RGS5: variants seen among roughly 807,000 people sequenced by gnomAD.
RGS5 encodes regulator of G protein signaling 5, also known as regulator of G-protein signalling 5.
Under a neutral mutation model 18.9 loss-of-function variants are expected in RGS5, and 20 were observed. That is an observed-to-expected ratio of 1.06 (90% confidence interval 0.74 to 1.54). The LOEUF is 1.54. Among genes scored for constraint, RGS5 ranks in the 40% most tolerant of loss-of-function variants. The probability of loss-of-function intolerance (pLI) is 0.00; values close to 1 mark genes in which losing one functional copy is unlikely to be tolerated. For missense variants in RGS5, 201 were observed against 211.8 expected (o/e 0.95, Z 0.32); for synonymous variants, 57 against 76.2 (o/e 0.75, Z 1.31).
intron 3 of RGS5, among the ~76,000 whole-genome samples, chr1:163,154,232 A>G (rs896623365): frequency 6.6e-6 from 1 of 152,110 alleles, no homozygotes; most frequent in African/African-American, 2.4e-5. Context: ...CAATACGTTG[A>G]TTTCACACAA....
At chr1:163,281,880 A>C (rs1056314489) in intron 2 of RGS5, among the ~76,000 whole-genome samples, 3 of 152,172 alleles carry the variant, frequency 2.0e-5, no homozygotes, top group Non-Finnish European at 2.9e-5. Flanking sequence ...ATAAGAATGA[A>C]ACTAGACCCC....
upstream of RGS5, among the ~76,000 whole-genome samples, chr1:163,219,592 T>C (rs1266455858): frequency 6.6e-6 from 1 of 152,180 alleles, no homozygotes; most frequent in East Asian, 1.9e-4. Context: ...AGTGGAGTTG[T>C]CCAGAGGCTA....
chr1:163,172,562 A>ACAT (rs1486428369), intron 1 of RGS5: 1 of 1,549,778 alleles, frequency 6.5e-7, no homozygotes, highest in Non-Finnish European at 8.7e-7. Context: ...ACATACCAGA[A>ACAT]CATCAGGTTA....
At chr1:163,285,997 T>TGC (rs112594163) in intron 2 of RGS5, among the ~76,000 whole-genome samples, 35,733 of 86,424 alleles carry the variant, frequency 0.41, 4,307 homozygotes, top group Non-Finnish European at 0.48. Context: ...ATTTAATTTA[T>TGC]GCACACACAC....
At chr1:163,233,271 T>C (rs1022368302) in intron 2 of RGS5, among the ~76,000 whole-genome samples, 1 of 152,246 alleles carries the variant, frequency 6.6e-6, no homozygotes, top group Non-Finnish European at 1.5e-5. Flanking sequence ...ATTGATGACA[T>C]TACTTTGACC....
At chr1:163,300,146 AT>A (rs1236797822) in intron 2 of RGS5, among the ~76,000 whole-genome samples, 1 of 152,224 alleles carries the variant, frequency 6.6e-6, no homozygotes, top group Non-Finnish European at 1.5e-5. Flanking sequence ...TCACTCTGAT[AT>A]ATCACTCCTG....
intron 2 of RGS5, among the ~76,000 whole-genome samples, chr1:163,165,988 C>T (rs918570632): frequency 3.3e-5 from 5 of 151,570 alleles, no homozygotes; most frequent in East Asian, 1.9e-4. Context: ...GCCTTAGAAA[C>T]AACAGTTCGG....
At chr1:163,172,389 A>T (rs551926342) in intron 1 of RGS5, among the ~76,000 whole-genome samples, 4 of 152,334 alleles carry the variant, frequency 2.6e-5, no homozygotes, top group Non-Finnish European at 5.9e-5. Context: ...AATGCTCAAG[A>T]CATACCACAA....
rs188612594 is a variant in RGS5, at chr1:163,147,679, A to G, written c.385-176T>C. Among the ~76,000 whole-genome samples, 9 of 152,318 alleles carry G rather than the reference A, an allele frequency of 5.9e-5. No individual in the cohort carries two copies. The East Asian group carries it at 1.5e-3, about 26-fold the overall frequency. On this transcript the variant is annotated intron_variant, in intron 4 of 4. Transcript: ENST00000313961. ...ATGGGATAAGGCAGCTGATGTTCCA[A>G]CAGATGCATCCAACCGGTATTAGAC...
intron 2 of RGS5, among the ~76,000 whole-genome samples, chr1:163,236,271 C>T (rs911522113): frequency 2.6e-5 from 4 of 151,974 alleles, no homozygotes; most frequent in African/African-American, 7.2e-5. Context: ...ATGACCTCTT[C>T]TCCTTGCCTC....
At chr1:163,309,082 G>A (rs1649784576) in intron 1 of RGS5, among the ~76,000 whole-genome samples, 1 of 152,060 alleles carries the variant, frequency 6.6e-6, no homozygotes, top group Non-Finnish European at 1.5e-5. Context: ...GGGTGTAGTG[G>A]TTCATGCCTG....
intron 2 of RGS5, among the ~76,000 whole-genome samples, chr1:163,228,770 AC>A (rs1466924123): frequency 1.3e-5 from 2 of 152,064 alleles, no homozygotes; most frequent in Admixed American, 1.3e-4. Flanking sequence ...TCCACCAGAT[AC>A]CCTAAATCAT....
chr1:163,180,698 T>TCTTTTTG (rs1658791310), intron 1 of RGS5, among the ~76,000 whole-genome samples: 1 of 128,152 alleles, frequency 7.8e-6, no homozygotes, highest in African/African-American at 3.1e-5. Context: ...TTTTTTTTTT[T>TCTTTTTG]TTTTTTTTTT....
Position 163,231,194 on chromosome 1 carries a change from TA to T in RGS5, c.-280-62827del, listed in dbSNP as rs201543435. ...TTTTTCTCTTTTTTAAATATTAAAT[TA>T]CAATAAAAAAATGAAAAACATTACC... On this transcript the variant is annotated intron_variant, in intron 2 of 5. Transcript: ENST00000618415. Among the ~76,000 whole-genome samples the T allele has an allele frequency of 8.6e-3, 1,302 of 152,242 alleles. 24 individuals are homozygous for T. Among genetic ancestry groups the T allele is most frequent in the African/African-American group, 0.029 (1,225 of 41,544 alleles).
intron 2 of RGS5, among the ~76,000 whole-genome samples, chr1:163,281,350 A>G (rs2101718950): frequency 6.6e-6 from 1 of 152,310 alleles, no homozygotes; most frequent in Middle Eastern, 3.4e-3. Flanking sequence ...TGCAGGCTGT[A>G]CAGGAAGCAT....
intron 1 of RGS5, chr1:163,211,921 T>A (rs1050623681): frequency 2.0e-5 from 3 of 152,182 alleles, no homozygotes; most frequent in Non-Finnish European, 4.4e-5. Context: ...TAATTTCTGT[T>A]GGAAGAACAT....
At chr1:163,190,593 C>A (rs778987525) in intron 1 of RGS5, among the ~76,000 whole-genome samples, 1 of 152,138 alleles carries the variant, frequency 6.6e-6, no homozygotes, top group Non-Finnish European at 1.5e-5. Context: ...ATCATTTAGA[C>A]AATACCCTAT....
At chr1:163,231,480 A>G (rs889809007) in intron 2 of RGS5, among the ~76,000 whole-genome samples, 11 of 152,196 alleles carry the variant, frequency 7.2e-5, no homozygotes, top group African/African-American at 2.7e-4. Flanking sequence ...TGCGATCCCC[A>G]GAAGTAATCT....
At chr1:163,298,881 C>T (rs1202469247) in intron 2 of RGS5, among the ~76,000 whole-genome samples, 1 of 152,136 alleles carries the variant, frequency 6.6e-6, no homozygotes, top group African/African-American at 2.4e-5. Flanking sequence ...GTCTCAACAA[C>T]TGCTACTATG....
Sources: allele counts gnomAD v4.1 joint callset (sites outside exome capture counted in the v4.1 genomes callset), GRCh38; gene constraint gnomAD v4.1.1; transcripts MANE v1.5; gene names NCBI Gene and HGNC (gene_info 2026-07-23, HGNC 2026-07-21).